KCND3: variants seen among roughly 807,000 people sequenced by gnomAD.
KCND3 encodes the protein A-type voltage-gated potassium channel KCND3.
Under a neutral mutation model 51.1 loss-of-function variants are expected in KCND3, and 9 were observed. That is an observed-to-expected ratio of 0.18 (90% CI 0.11 to 0.31). The LOEUF (loss-of-function observed/expected upper bound fraction) is 0.31. KCND3 is among the 10% of genes least tolerant of loss of function. The pLI is 1.00. For missense variants in KCND3, 526 were observed against 903.8 expected, an observed-to-expected ratio of 0.58 and a Z score of 5.36; for synonymous variants, 349 against 368.0, an observed-to-expected ratio of 0.95 and a Z score of 0.59.
chr1:111,851,969 A>C (rs1022588136), intron 2 of KCND3, among the ~76,000 whole-genome samples: 3 of 152,196 alleles, frequency 2.0e-5, no homozygotes, highest in African/African-American at 7.2e-5. Flanking sequence ...TCTGCCTCTA[A>C]GCTCCCAGGA....
rs539243051 is a variant in KCND3, at chr1:111,878,512, C to T, written c.1107-91406G>A. On this transcript the variant is annotated intron_variant, in intron 2 of 7. Coordinates refer to ENST00000302127, the MANE Select transcript of KCND3 (RefSeq NM_001378969.1). The stretch of plus-strand genomic sequence containing the variant: ...ACCCCTGGCTCCTCTGCTCCATTCC[C>T]CCTGGTGGGGTGAGGTCTGGGGAGG... Among the ~76,000 whole-genome samples the T allele has an allele frequency of 5.5e-4, 84 of 152,300 alleles. 1 individual carries two copies. In the South Asian group the frequency reaches 0.017, roughly 31 times the overall value.
chr1:111,842,385 C>T (rs192122296), intron 2 of KCND3, among the ~76,000 whole-genome samples: 6 of 152,276 alleles, frequency 3.9e-5, no homozygotes, highest in East Asian at 1.9e-4. Flanking sequence ...GGTGGGACCT[C>T]CCAAAATGTC....
intron 2 of KCND3, among the ~76,000 whole-genome samples, chr1:111,847,800 G>A (rs983863089): frequency 1.3e-5 from 2 of 152,190 alleles, no homozygotes; most frequent in African/African-American, 4.8e-5. Context: ...CCTCTGGCAG[G>A]GCAGGGAGTC....
intron 2 of KCND3, among the ~76,000 whole-genome samples, chr1:111,934,282 C>T (rs1476197282): frequency 6.6e-6 from 1 of 152,212 alleles, no homozygotes; most frequent in South Asian, 2.1e-4. Context: ...GCCCCCAGCC[C>T]ATTCCATCTC....
intron 2 of KCND3, among the ~76,000 whole-genome samples, chr1:111,917,386 C>T (rs1039579386): frequency 6.6e-6 from 1 of 152,222 alleles, no homozygotes; most frequent in African/African-American, 2.4e-5. Flanking sequence ...AAGGACTGCA[C>T]TGCAAGTATG....
At position 111,787,121 on chromosome 1, in the gene KCND3, G is replaced by A; in HGVS notation, c.1107-15C>T. The stretch of plus-strand genomic sequence containing the variant: ...TGTCTCCGTATCTGAGAGAGGGAGA[G>A]AAACAGGGTGTAAGGGAGAGAGGGC... On this transcript the variant is annotated splice_polypyrimidine_tract_variant and intron_variant, in intron 2 of 7. Transcript: ENST00000302127. 6.2e-7 allele frequency: 1 copy of A among 1,613,982 alleles called. No homozygotes were observed. The highest frequency in any genetic ancestry group is 8.5e-7 in the Non-Finnish European group (1 of 1,179,926).
chr1:111,868,762 G>C (rs1223535417), intron 2 of KCND3, among the ~76,000 whole-genome samples: 1 of 151,996 alleles, frequency 6.6e-6, no homozygotes, highest in African/African-American at 2.4e-5. Flanking sequence ...TTGAGACAGG[G>C]CCTTGCTTTG....
At chr1:111,832,931 A>G (rs1303263255) in intron 2 of KCND3, among the ~76,000 whole-genome samples, 1 of 152,158 alleles carries the variant, frequency 6.6e-6, no homozygotes, top group African/African-American at 2.4e-5. Context: ...CAGACATCAT[A>G]CTGGGTCCAG....
chr1:111,776,883 G>A lies in KCND3; in HGVS notation c.1766+143C>T, dbSNP rs1664139213. 4 of 1,485,086 alleles carry A rather than the reference G, an allele frequency of 2.7e-6. No individual in the cohort carries two copies. In the East Asian group the frequency reaches 9.9e-5, roughly 37 times the overall value. 92.0% of individuals were successfully genotyped at this position (1,485,086 alleles called of 1,614,324 possible). A position where few individuals can be genotyped will look rare whatever the true frequency, so the allele number is the denominator to read the frequency against. The stretch of plus-strand genomic sequence containing the variant: ...AAGGGCCTTTGGGTTTCCTTGCAAG[G>A]AAAGGAGGAAGGTAGAGGGGCTCAT... On this transcript the variant is annotated intron_variant, in intron 7 of 7. Transcript: ENST00000302127.
Position 111,982,009 on chromosome 1 carries a change from C to T in KCND3, c.718G>A (p.Glu240Lys). The change falls in exon 2 of 8, where the codon GAG (glutamate) becomes AAG (lysine). Residue 240 changes from glutamate (E) to lysine (K), a missense_variant. Coordinates refer to ENST00000302127, the MANE Select transcript of KCND3 (RefSeq NM_001378969.1). This position sits in a 1 kb window ranked among gnomAD's most constrained non-coding sequence, Gnocchi z 8.5. ...DTACVMIFTVEYLLRLFAAPS... is the reference protein window; with the variant it reads ...DTACVMIFTVKYLLRLFAAPS... ...GCCGCGAAGAGCCGCAGGAGGTACT[C>T]CACGGTGAAGATCATGACGCACGCC... 6.2e-7 allele frequency: 1 copy of T among 1,613,888 alleles called. No individual in the cohort carries two copies. Among genetic ancestry groups the T allele is most frequent in the East Asian group, 2.2e-5 (1 of 44,804 alleles).
At chr1:111,812,067 A>G (rs1205429267) in intron 2 of KCND3, among the ~76,000 whole-genome samples, 1 of 152,202 alleles carries the variant, frequency 6.6e-6, no homozygotes, top group Non-Finnish European at 1.5e-5. Context: ...CTTGCATCAC[A>G]GGACCATAGT....
At chr1:111,916,371 C>G (rs1303267312) in intron 2 of KCND3, among the ~76,000 whole-genome samples, 1 of 151,882 alleles carries the variant, frequency 6.6e-6, no homozygotes, top group Non-Finnish European at 1.5e-5. Context: ...ATATTTTGAA[C>G]TGAAAAAAAT....
At chr1:111,895,597 T>C (rs1670067408) in intron 2 of KCND3, among the ~76,000 whole-genome samples, 1 of 152,212 alleles carries the variant, frequency 6.6e-6, no homozygotes, top group Admixed American at 6.5e-5. Context: ...GATAGCAAAC[T>C]GGCATGTTCC....
rs1256590177 is a variant in KCND3 at position 111,780,868 on chromosome 1, G to T, written c.1270-77C>A. 5 of 1,273,960 alleles carry T rather than the reference G, an allele frequency of 3.9e-6. No homozygotes were observed. In the African/African-American group the frequency reaches 7.3e-5, roughly 19 times the overall value. The allele number at this position is 1,273,960 out of a possible 1,614,324, so 78.9% of individuals were successfully genotyped here. ...ACAGCAAGGCTGGTGAAGCTGTGAG[G>T]CTGGCTTCCCAGGTGACACCTGATG... On this transcript the variant is annotated intron_variant, in intron 3 of 7. Transcript: ENST00000302127. This position sits in a 1 kb window ranked among gnomAD's most constrained non-coding sequence, Gnocchi z 4.2.
chr1:111,805,580 T>C (rs4633289), intron 2 of KCND3, among the ~76,000 whole-genome samples: 13,569 of 152,214 alleles, frequency 0.089, 972 homozygotes, highest in African/African-American at 0.19. Flanking sequence ...AGGAAATTCC[T>C]AGGGGAATGT....
chr1:111,950,457 C>T (rs565946327), intron 2 of KCND3, among the ~76,000 whole-genome samples: 9 of 152,290 alleles, frequency 5.9e-5, no homozygotes, highest in African/African-American at 2.2e-4. Context: ...GGACCGGCAC[C>T]TGACCGTGCT....
chr1:111,966,778 T>C (rs1456567547), intron 2 of KCND3, among the ~76,000 whole-genome samples: 2 of 152,180 alleles, frequency 1.3e-5, no homozygotes, highest in Non-Finnish European at 1.5e-5. Context: ...AGAAAGTAGA[T>C]TTGAGTTCAA....
At chr1:111,904,146 C>A (rs901970974) in intron 2 of KCND3, among the ~76,000 whole-genome samples, 3 of 151,450 alleles carry the variant, frequency 2.0e-5, no homozygotes, top group African/African-American at 7.3e-5. Flanking sequence ...CTGAGAGTTC[C>A]CACTGCACCC....
intron 2 of KCND3, among the ~76,000 whole-genome samples, chr1:111,815,857 A>G (rs1666064516): frequency 6.6e-6 from 1 of 152,118 alleles, no homozygotes; most frequent in Non-Finnish European, 1.5e-5. Context: ...GAAGGTAAGC[A>G]GGAATTTCTG....
Sources: gnomAD v4.1 joint callset for allele counts (sites outside exome capture counted in the v4.1 genomes callset) on GRCh38, gnomAD v4.1.1 for gene constraint, Gnocchi (gnomAD v3.1) non-coding constraint, MANE v1.5 for transcripts, NCBI Gene and HGNC (gene_info 2026-07-23, HGNC 2026-07-21) for gene names.